Variants in RELN observed in about 807,000 individuals in gnomAD.
RELN encodes reelin.
A neutral mutation model predicts 427.6 loss-of-function variants in RELN; 108 were observed. That is an observed-to-expected ratio of 0.25 (90% CI 0.22 to 0.30). The LOEUF is 0.30. Among genes scored for constraint, RELN ranks in the 10% least tolerant of loss-of-function variants. The pLI is 1.00. For synonymous variants in RELN, 1,524 were observed against 1,513.4 expected (o/e 1.01, Z -0.16); for missense variants, 3,715 against 4,302.8 (o/e 0.86, Z 3.82).
At chr7:103,536,794 A>G (rs1008899420) in intron 45 of RELN, among the ~76,000 whole-genome samples, 1 of 151,918 alleles carries the variant, frequency 6.6e-6, no homozygotes, top group African/African-American at 2.4e-5. Context: ...CTACAAGTAC[A>G]CTCTTGATTC....
chr7:103,810,359 C>A (rs1792709771), intron 3 of RELN, among the ~76,000 whole-genome samples: 2 of 152,158 alleles, frequency 1.3e-5, no homozygotes, highest in African/African-American at 4.8e-5. Context: ...AATAGGTCAT[C>A]CATCTTCTTT....
chr7:103,741,752 C>T (rs1201635861), intron 6 of RELN, among the ~76,000 whole-genome samples: 1 of 151,888 alleles, frequency 6.6e-6, no homozygotes, highest in Non-Finnish European at 1.5e-5. Context: ...CTAGAATACA[C>T]TAGACCTCTT....
At chr7:103,702,174 T>C (rs1427365416) in intron 8 of RELN, among the ~76,000 whole-genome samples, 1 of 152,254 alleles carries the variant, frequency 6.6e-6, no homozygotes, top group Non-Finnish European at 1.5e-5. Flanking sequence ...TAATTGTTGC[T>C]AAAACTCTAC....
At chr7:103,683,413 A>G (rs1306890779) in intron 10 of RELN, among the ~76,000 whole-genome samples, 1 of 152,208 alleles carries the variant, frequency 6.6e-6, no homozygotes, top group African/African-American at 2.4e-5. Flanking sequence ...TTTATTGTGT[A>G]TGCCTAAGAT....
chr7:103,693,644 G>C (rs1179197192), intron 10 of RELN, among the ~76,000 whole-genome samples: 2 of 152,088 alleles, frequency 1.3e-5, no homozygotes, highest in East Asian at 1.9e-4. Context: ...TGAATTATAA[G>C]TGAGGGATTT....
intron 11 of RELN, among the ~76,000 whole-genome samples, chr7:103,662,030 G>A (rs953649472): frequency 6.6e-6 from 1 of 152,296 alleles, no homozygotes; most frequent in Non-Finnish European, 1.5e-5. Flanking sequence ...TCATCAAACA[G>A]GTAATTGGAT....
Position 103,636,423 on chromosome 7 carries a change from C to A in RELN, c.2115G>T (p.Gln705His), listed in dbSNP as rs1832582001. The A allele has an allele frequency of 6.2e-7, 1 of 1,613,842 alleles. No individual in the cohort carries two copies. The highest frequency in any genetic ancestry group is 1.1e-5 in the South Asian group (1 of 91,076). The change falls in exon 18 of 65, where the codon CAG becomes CAT. Residue 705 changes from glutamine (Q) to histidine (H), a missense_variant. Physicochemically the swap from Gln to His is conservative, Grantham distance 24 (BLOSUM62 0). Coordinates refer to ENST00000428762, the MANE Select transcript of RELN (RefSeq NM_005045.4). ...TTTCAGAAATAAACATTGGGAATGTCTGGGATGCCATCTCACAAGCTGGGC... is the reference window on the plus strand; with the variant it reads ...TTTCAGAAATAAACATTGGGAATGTATGGGATGCCATCTCACAAGCTGGGC... ...FSGPACEMAS[Q>H]TFPMFISESF...
intron 6 of RELN, among the ~76,000 whole-genome samples, chr7:103,742,540 A>G (rs1259001107): frequency 1.3e-5 from 2 of 152,208 alleles, no homozygotes; most frequent in Non-Finnish European, 2.9e-5. Context: ...CGAATGGATA[A>G]CTAGAATAAC....
intron 46 of RELN, 65 bp downstream of exon 46, chr7:103,535,251 A>T: frequency 6.7e-7 from 1 of 1,494,408 alleles, no homozygotes; most frequent in Non-Finnish European, 9.3e-7. Flanking sequence ...TGACATGCCA[A>T]ATGTTATCAC....
At position 103,712,162 on chromosome 7, in the gene RELN, C is replaced by A. The variant is rs529833431; in HGVS notation, c.805+10978G>T. Among the ~76,000 whole-genome samples, 3 of 152,308 alleles carry A rather than the reference C, an allele frequency of 2.0e-5. No individual in the cohort carries two copies. The East Asian group carries it at 5.8e-4, about 29-fold the overall frequency. On this transcript the variant is annotated intron_variant, in intron 8 of 64. Coordinates refer to ENST00000428762, the MANE Select transcript of RELN (RefSeq NM_005045.4). The stretch of plus-strand genomic sequence containing the variant: ...AAGAATACACAAGCACACGAACCTG[C>A]AGCAATTATACATTAATCAAATGCA...
intron 2 of RELN, among the ~76,000 whole-genome samples, chr7:103,886,707 C>A (rs1404759573): frequency 6.6e-6 from 1 of 152,172 alleles, no homozygotes; most frequent in African/African-American, 2.4e-5. Flanking sequence ...ATTAAGGTCA[C>A]CTAAATTTAT....
chr7:103,534,230 C>A (rs1284897865), intron 46 of RELN, among the ~76,000 whole-genome samples: 1 of 152,230 alleles, frequency 6.6e-6, no homozygotes, highest in African/African-American at 2.4e-5. Flanking sequence ...GTTCCACACA[C>A]TGGATTGGTT....
intron 6 of RELN, among the ~76,000 whole-genome samples, chr7:103,747,413 T>C (rs1458765788): frequency 2.3e-5 from 3 of 128,302 alleles, no homozygotes; most frequent in Admixed American, 7.8e-5. Context: ...TAAAGTATAA[T>C]AATAATAAAA....
At chr7:103,870,480 T>C (rs937298529) in intron 2 of RELN, among the ~76,000 whole-genome samples, 5 of 152,156 alleles carry the variant, frequency 3.3e-5, no homozygotes, top group East Asian at 1.9e-4. Flanking sequence ...GTGAATTTCC[T>C]AGGTCCCTCT....
At chr7:103,592,416 A>G (rs1170748131) in intron 27 of RELN, among the ~76,000 whole-genome samples, 2 of 152,004 alleles carry the variant, frequency 1.3e-5, no homozygotes, top group Non-Finnish European at 2.9e-5. Flanking sequence ...TATGTACCAC[A>G]TTTTCTTTAT....
At chr7:103,777,618 C>T (rs1013336741) in intron 3 of RELN, among the ~76,000 whole-genome samples, 2 of 152,118 alleles carry the variant, frequency 1.3e-5, no homozygotes. Flanking sequence ...GCCCTTCCTT[C>T]GGTCAACATC....
intron 11 of RELN, 47 bp downstream of exon 11, chr7:103,682,069 T>C: frequency 1.3e-6 from 2 of 1,570,072 alleles, no homozygotes; most frequent in South Asian, 2.2e-5. Flanking sequence ...TCCAGTAGAA[T>C]AAATGTAAGT....
At chr7:103,780,472 T>C (rs972839201) in intron 3 of RELN, among the ~76,000 whole-genome samples, 1 of 152,196 alleles carries the variant, frequency 6.6e-6, no homozygotes, top group African/African-American at 2.4e-5. Flanking sequence ...TCACTGGGGT[T>C]TGTTGTACAG....
At chr7:103,659,542 C>A (rs1395950477) in intron 12 of RELN, among the ~76,000 whole-genome samples, 2 of 152,022 alleles carry the variant, frequency 1.3e-5, no homozygotes, top group African/African-American at 4.8e-5. Context: ...GCTTGGAATT[C>A]TCTTCCTTAA....
Sources: allele counts gnomAD v4.1 joint callset (sites outside exome capture counted in the v4.1 genomes callset), GRCh38; gene constraint gnomAD v4.1.1; transcripts MANE v1.5; gene names NCBI Gene and HGNC (gene_info 2026-07-23, HGNC 2026-07-21).